TTC7A: variants seen among roughly 807,000 people sequenced by gnomAD.
TTC7A encodes the protein tetratricopeptide repeat protein 7A.
Under a neutral mutation model 103.7 loss-of-function variants are expected in TTC7A, and 110 were observed. That is an observed-to-expected ratio of 1.06 (90% confidence interval 0.91 to 1.24). TTC7A has a LOEUF of 1.24. Ranked by LOEUF, TTC7A falls within the 50% of genes most tolerant of loss-of-function variation. The pLI is 0.00. For missense variants in TTC7A, 1,340 were observed against 1,116.3 expected (o/e 1.20, Z -2.86); for synonymous variants, 521 against 467.9 (o/e 1.11, Z -1.47).
At chr2:46,956,466 C>A (rs1671859337) in intron 2 of TTC7A, 1 of 220,778 alleles carries the variant, frequency 4.5e-6, no homozygotes, top group Non-Finnish European at 9.1e-6. Flanking sequence ...ATCTCTGACT[C>A]CCCACTTGTG....
At chr2:47,046,717 C>G (rs986387404) in intron 16 of TTC7A, 2 of 423,832 alleles carry the variant, frequency 4.7e-6, no homozygotes, top group African/African-American at 4.0e-5. Flanking sequence ...GGGCTTGTTC[C>G]TTTATCTTAC....
chr2:47,015,688 A>T (rs1463502229), intron 11 of TTC7A, among the ~76,000 whole-genome samples: 1 of 152,238 alleles, frequency 6.6e-6, no homozygotes, highest in Non-Finnish European at 1.5e-5. Flanking sequence ...CATGGTTGCT[A>T]TCACCGTTAC....
At chr2:47,036,745 C>T (rs528136223) in intron 15 of TTC7A, among the ~76,000 whole-genome samples, 2 of 152,180 alleles carry the variant, frequency 1.3e-5, no homozygotes, top group African/African-American at 2.4e-5. Flanking sequence ...GTAGTCCCAA[C>T]GACTTGGGAG....
chr2:47,024,836 ACC>A (rs924037153), intron 14 of TTC7A, among the ~76,000 whole-genome samples: 9 of 151,962 alleles, frequency 5.9e-5, no homozygotes, highest in Admixed American at 3.3e-4. Flanking sequence ...TCTGCTGACT[ACC>A]TTAGCCCCAG....
chr2:46,983,700 G>A (rs758513215), intron 5 of TTC7A, among the ~76,000 whole-genome samples: 3 of 152,368 alleles, frequency 2.0e-5, no homozygotes, highest in South Asian at 2.1e-4. Flanking sequence ...TTAGAACACA[G>A]CCATGCCCCT....
chr2:47,068,862 C>CAAAAAAAA (rs201835431), intron 19 of TTC7A, among the ~76,000 whole-genome samples: 5 of 69,758 alleles, frequency 7.2e-5, no homozygotes, highest in African/African-American at 1.1e-4. Flanking sequence ...TCAATTTTTT[C>CAAAAAAAA]AAAAAAAAAA....
At chr2:46,995,307 A>G in intron 8 of TTC7A, 108 bp downstream of exon 8, 1 of 1,073,262 alleles carries the variant, frequency 9.3e-7, no homozygotes, top group Non-Finnish European at 1.4e-6. Flanking sequence ...TCTGTCTCCC[A>G]GGGATACTCC....
chr2:46,976,979 G>C (rs1018378404), intron 4 of TTC7A, among the ~76,000 whole-genome samples: 21 of 152,240 alleles, frequency 1.4e-4, no homozygotes, highest in Admixed American at 1.0e-3. Context: ...CACCAAGGGG[G>C]AATGGGTCAC....
chr2:47,046,373 G>A lies in TTC7A; in HGVS notation c.1861G>A (p.Val621Met), dbSNP rs201141407. 39 of 1,614,192 alleles carry A rather than the reference G, an allele frequency of 2.4e-5. No homozygotes were observed. The highest frequency in any genetic ancestry group is 5.3e-5 in the African/African-American group (4 of 75,062). ...GCTGAAAGGCCCAGAGGAAGCCCTC[G>A]TGACCTGCAGACAAGTGCTGAGGCT... ...QVLKGPEEAL[V>M]TCRQVLRLWQ... The change falls in exon 16 of 20, where the codon GTG (valine) becomes ATG (methionine). Residue 621 changes from valine (V) to methionine (M), a missense_variant. Physicochemically the swap from Val to Met is conservative, Grantham distance 21. Transcript: ENST00000319190.
At chr2:47,017,786 T>C (rs1678831489) in intron 11 of TTC7A, among the ~76,000 whole-genome samples, 1 of 152,108 alleles carries the variant, frequency 6.6e-6, no homozygotes. Context: ...CTCTCTGGAT[T>C]CCAGAGGGTC....
At chr2:47,023,274 G>A in intron 12 of TTC7A, 134 bp from the exon 13 acceptor site, 1 of 859,654 alleles carries the variant, frequency 1.2e-6, no homozygotes, top group Non-Finnish European at 1.8e-6. Flanking sequence ...CAGGCTGCTG[G>A]AGTTTGAAGT....
intron 18 of TTC7A, among the ~76,000 whole-genome samples, chr2:47,053,016 C>T (rs537109820): frequency 8.5e-5 from 13 of 152,270 alleles, no homozygotes; most frequent in Non-Finnish European, 1.3e-4. Flanking sequence ...TCCTCACATA[C>T]GGCACATTAG....
At chr2:46,941,078 G>T, upstream of TTC7A, 1 of 150,402 alleles carries the variant, frequency 6.6e-6, no homozygotes, top group South Asian at 1.8e-4. The surrounding 1 kb of genome is among the most constrained non-coding windows in gnomAD (Gnocchi z 4.2). Flanking sequence ...GGGCGGCCGC[G>T]AGCGCCCTTC....
intron 18 of TTC7A, among the ~76,000 whole-genome samples, chr2:47,058,288 C>T (rs1683484277): frequency 6.6e-6 from 1 of 152,228 alleles, no homozygotes; most frequent in Admixed American, 6.5e-5. Context: ...GTTCTCATCT[C>T]CACTAGAGAA....
At chr2:47,044,604 G>T (rs1682109007) in intron 15 of TTC7A, among the ~76,000 whole-genome samples, 1 of 152,176 alleles carries the variant, frequency 6.6e-6, no homozygotes, top group Non-Finnish European at 1.5e-5. Context: ...ATGGGTGCAG[G>T]GCATCCTAAG....
chr2:46,983,837 G>C (rs891139130), intron 5 of TTC7A, among the ~76,000 whole-genome samples: 1 of 152,194 alleles, frequency 6.6e-6, no homozygotes. Flanking sequence ...GCACTACAGA[G>C]GTTAAGGAGT....
chr2:47,052,493 T>G (rs1682947681), intron 18 of TTC7A, among the ~76,000 whole-genome samples: 1 of 152,140 alleles, frequency 6.6e-6, no homozygotes, highest in Non-Finnish European at 1.5e-5. Context: ...CAAAAGGTGT[T>G]TGGCTTCCGT....
At chr2:46,964,966 C>T (rs755525358) in intron 3 of TTC7A, among the ~76,000 whole-genome samples, 2 of 152,310 alleles carry the variant, frequency 1.3e-5, no homozygotes, top group African/African-American at 4.8e-5. Flanking sequence ...GGCCGGCTCG[C>T]GTTCTCCTTC....
chr2:47,006,909 C>G (rs1012461657), intron 10 of TTC7A, among the ~76,000 whole-genome samples, 185 bp downstream of exon 10: 1 of 152,134 alleles, frequency 6.6e-6, no homozygotes, highest in South Asian at 2.1e-4. Flanking sequence ...TGTCCACGTG[C>G]GAGCTGTGAG....
Sources: gnomAD v4.1 joint callset for allele counts (sites outside exome capture counted in the v4.1 genomes callset) on GRCh38, gnomAD v4.1.1 for gene constraint, Gnocchi (gnomAD v3.1) non-coding constraint, MANE v1.5 for transcripts, NCBI Gene and HGNC (gene_info 2026-07-23, HGNC 2026-07-21) for gene names.